The following HS3ST4 variants were observed in gnomAD, a reference collection of about 807,000 sequenced individuals.
HS3ST4 encodes the protein heparan sulfate-glucosamine 3-sulfotransferase 4.
In HS3ST4, 17 loss-of-function variants were observed where a neutral mutation model predicts 29.2. The ratio of observed to expected loss-of-function variants is 0.58; its 90% CI spans 0.40 to 0.87. The LOEUF is 0.87. Ranked by LOEUF, HS3ST4 falls within the 40% of genes least tolerant of loss-of-function variation. The probability of loss-of-function intolerance (pLI) is 0.00; values close to 1 mark genes in which losing one functional copy is unlikely to be tolerated. For synonymous variants in HS3ST4, 314 were observed against 285.7 expected (o/e 1.10, Z -1.00); for missense variants, 627 against 634.5 (o/e 0.99, Z 0.13).
At chr16:26,134,384 A>T (rs1596693916) in intron 1 of HS3ST4, among the ~76,000 whole-genome samples, 1 of 99,012 alleles carries the variant, frequency 1.0e-5, no homozygotes, top group African/African-American at 4.6e-5. Flanking sequence ...TTTGATTGAG[A>T]TGGAGTCTCA....
intron 1 of HS3ST4, among the ~76,000 whole-genome samples, chr16:25,727,333 G>A (rs562672900): frequency 3.3e-5 from 5 of 152,164 alleles, no homozygotes; most frequent in Non-Finnish European, 7.3e-5. Context: ...ATAGAGATAT[G>A]AAGCAATCTC....
At position 26,021,579 on chromosome 16, in the gene HS3ST4, C is replaced by A. The variant is rs191646182; in HGVS notation, c.735-114033C>A. On this transcript the variant is annotated intron_variant, in intron 1 of 1. Coordinates refer to ENST00000331351, the MANE Select transcript of HS3ST4 (RefSeq NM_006040.3). ...GATGTGAGGCTGTGAGGATGCCCAG[C>A]AGCGTACGAGGCTCACACATCAGAC... Among the ~76,000 whole-genome samples, 444 of 152,298 alleles carry A rather than the reference C, an allele frequency of 2.9e-3. 3 individuals are homozygous for A. Among genetic ancestry groups the A allele is most frequent in the African/African-American group, 1.0e-2 (414 of 41,566 alleles).
chr16:25,694,327 TACATA>T (rs1399250685), intron 1 of HS3ST4, among the ~76,000 whole-genome samples: 3 of 152,236 alleles, frequency 2.0e-5, no homozygotes, highest in African/African-American at 7.2e-5. Context: ...ACTGAAGAAA[TACATA>T]ATAAATGTGT....
In HS3ST4 at chr16:25,847,429, C is replaced by G. The variant is rs185487278; in HGVS notation, c.734+154278C>G. Among the ~76,000 whole-genome samples the G allele has an allele frequency of 2.0e-3, 304 of 152,292 alleles. 2 individuals carry two copies. The highest frequency in any genetic ancestry group is 6.5e-3 in the African/African-American group (270 of 41,566). ...TTTTGTTGGGTCAAGAATGATAACA[C>G]ATGCAAATAGTGACAGTTTGTGACT... is the stretch of plus-strand genomic sequence containing the variant. On this transcript the variant is annotated intron_variant, in intron 1 of 1. Coordinates refer to ENST00000331351, the MANE Select transcript of HS3ST4 (RefSeq NM_006040.3).
At chr16:25,826,345 G>A (rs550300419) in intron 1 of HS3ST4, 2 of 152,242 alleles carry the variant, frequency 1.3e-5, no homozygotes, top group East Asian at 3.9e-4. Flanking sequence ...TCCAACTACA[G>A]TCACGTTCTG....
intron 1 of HS3ST4, among the ~76,000 whole-genome samples, chr16:25,751,299 G>A (rs1390847398): frequency 6.6e-6 from 1 of 152,152 alleles, no homozygotes; most frequent in Non-Finnish European, 1.5e-5. Flanking sequence ...TCATGTGTGT[G>A]TGTATGCATG....
chr16:26,130,707 A>G (rs1899406077), intron 1 of HS3ST4, among the ~76,000 whole-genome samples: 2 of 152,196 alleles, frequency 1.3e-5, no homozygotes, highest in Non-Finnish European at 2.9e-5. Flanking sequence ...GCATCTGAAC[A>G]CCTTTCAGTT....
At chr16:25,928,993 GGT>G (rs1281502379) in intron 1 of HS3ST4, among the ~76,000 whole-genome samples, 3 of 152,150 alleles carry the variant, frequency 2.0e-5, no homozygotes, top group Non-Finnish European at 2.9e-5. Flanking sequence ...TTTGGTCCAA[GGT>G]GTGCAAGAGT....
At chr16:25,952,140 C>T (rs935871683) in intron 1 of HS3ST4, among the ~76,000 whole-genome samples, 3 of 152,140 alleles carry the variant, frequency 2.0e-5, no homozygotes, top group Admixed American at 6.5e-5. Flanking sequence ...GCCACAGTGA[C>T]AGAGCTGAGT....
At chr16:25,803,463 T>A (rs886247430) in intron 1 of HS3ST4, among the ~76,000 whole-genome samples, 2 of 152,226 alleles carry the variant, frequency 1.3e-5, no homozygotes, top group Non-Finnish European at 2.9e-5. Flanking sequence ...GAATAGAAGA[T>A]GTAATGTTTT....
chr16:25,947,677 G>A (rs1387194887), intron 1 of HS3ST4, among the ~76,000 whole-genome samples: 1 of 152,128 alleles, frequency 6.6e-6, no homozygotes, highest in Admixed American at 6.5e-5. Context: ...CAGTGCAGTG[G>A]GAAGTACAGC....
chr16:26,036,503 C>T (rs1266760322), intron 1 of HS3ST4, among the ~76,000 whole-genome samples: 2 of 152,188 alleles, frequency 1.3e-5, no homozygotes. Flanking sequence ...GTTTTTCTCA[C>T]CCACCTGCCC....
chr16:25,938,119 A>G (rs1968535270), intron 1 of HS3ST4, among the ~76,000 whole-genome samples: 2 of 152,160 alleles, frequency 1.3e-5, no homozygotes, highest in African/African-American at 2.4e-5. Context: ...CCTGACCCAA[A>G]CAACTGTATC....
intron 1 of HS3ST4, among the ~76,000 whole-genome samples, chr16:26,075,656 C>A (rs1312701334): frequency 6.6e-6 from 1 of 152,104 alleles, no homozygotes; most frequent in Non-Finnish European, 1.5e-5. Flanking sequence ...ATACCATGAG[C>A]CTTACATCCT....
intron 1 of HS3ST4, among the ~76,000 whole-genome samples, chr16:26,118,341 A>C (rs1899226228): frequency 6.6e-6 from 1 of 152,150 alleles, no homozygotes; most frequent in African/African-American, 2.4e-5. Flanking sequence ...TGGACTCCCA[A>C]AGTTCAAAGG....
At chr16:25,965,399 CAAAAAAA>C (rs5816338) in intron 1 of HS3ST4, among the ~76,000 whole-genome samples, 1 of 129,196 alleles carries the variant, frequency 7.7e-6, no homozygotes, top group Admixed American at 7.8e-5. Flanking sequence ...AATTTCTTGT[CAAAAAAA>C]AAAAAAAAAG....
chr16:25,880,065 C>T (rs374381734), intron 1 of HS3ST4, among the ~76,000 whole-genome samples: 2 of 152,178 alleles, frequency 1.3e-5, no homozygotes, highest in African/African-American at 4.8e-5. Flanking sequence ...TGGATGGGGA[C>T]GCAGCCAAAC....
chr16:26,086,372 CAG>C (rs995534764), intron 1 of HS3ST4, among the ~76,000 whole-genome samples: 13 of 148,078 alleles, frequency 8.8e-5, no homozygotes, highest in African/African-American at 2.3e-4. Context: ...TTTTTTGAGA[CAG>C]AGTCTTGCTC....
chr16:25,849,840 T>C (rs542881885), intron 1 of HS3ST4, among the ~76,000 whole-genome samples: 1 of 151,816 alleles, frequency 6.6e-6, no homozygotes, highest in Non-Finnish European at 1.5e-5. Context: ...GTTTTATTAA[T>C]AAAATATTCT....
Sources: allele counts gnomAD v4.1 joint callset (sites outside exome capture counted in the v4.1 genomes callset), GRCh38; gene constraint gnomAD v4.1.1; transcripts MANE v1.5; gene names NCBI Gene and HGNC (gene_info 2026-07-23, HGNC 2026-07-21).